The following EIF2AK4 variants were observed in gnomAD, a reference collection of about 807,000 sequenced individuals.
EIF2AK4 encodes eukaryotic translation initiation factor 2 alpha kinase 4, also known as eIF-2-alpha kinase GCN2.
EIF2AK4 carries 139 observed loss-of-function variants against 211.1 expected under a neutral mutation model. That is an observed-to-expected ratio of 0.66 (90% CI 0.57 to 0.76). EIF2AK4 has a LOEUF of 0.76. Among genes scored for constraint, EIF2AK4 ranks in the 30% least tolerant of loss-of-function variants. The pLI is 0.00. For synonymous variants in EIF2AK4, 710 were observed against 751.3 expected, an observed-to-expected ratio of 0.94 and a Z score of 0.90; for missense variants, 1,664 against 2,043.8, an observed-to-expected ratio of 0.81 and a Z score of 3.58.
At chr15:39,991,461 T>C (rs1444121999) in intron 16 of EIF2AK4, 1 of 152,256 alleles carries the variant, frequency 6.6e-6, no homozygotes, top group Non-Finnish European at 1.5e-5. Flanking sequence ...TAGCATGATA[T>C]TGGACAATTA....
At chr15:40,018,977 G>T in intron 29 of EIF2AK4, 116 bp from the exon 30 acceptor site, 1 of 747,432 alleles carries the variant, frequency 1.3e-6, no homozygotes, top group Non-Finnish European at 2.2e-6. Flanking sequence ...ATTTCTTTTT[G>T]TTGAACTCTT....
At position 39,976,495 on chromosome 15, in the gene EIF2AK4, A is replaced by G; in HGVS notation, c.1900A>G (p.Lys634Glu). The G allele has an allele frequency of 1.2e-6, 2 of 1,612,204 alleles. No homozygotes were observed. The highest frequency in any genetic ancestry group is 1.7e-6 in the Non-Finnish European group (2 of 1,179,658). Reference protein sequence around the residue: ...NPASRQFRRIKGEVTLLSRLH... With the variant: ...NPASRQFRRIEGEVTLLSRLH... Reference sequence around the variant, plus strand: ...GGCCAGCCGGCAGTTCCGCAGGATCAAGGGCGAAGTGACACTGCTGTCACG... The same window carrying G: ...GGCCAGCCGGCAGTTCCGCAGGATCGAGGGCGAAGTGACACTGCTGTCACG... Residue 634 changes from lysine (K) to glutamate (E), a missense_variant, in exon 12 of 39, where the codon AAG (lysine) becomes GAG (glutamate). By Grantham distance (56) the Lys-to-Glu change is moderately conservative. This residue lies in a region of EIF2AK4 where 37 missense variants were observed against 84.0 expected (regional missense o/e 0.44). Transcript: ENST00000263791.
chr15:39,971,597 G>T (rs2034625741), intron 9 of EIF2AK4, among the ~76,000 whole-genome samples: 1 of 151,910 alleles, frequency 6.6e-6, no homozygotes, highest in African/African-American at 2.4e-5. Flanking sequence ...CACGCCTGTA[G>T]TCCCAGTTAC....
In EIF2AK4 at chr15:39,942,653, G is replaced by A. The variant is rs370936643; in HGVS notation, c.258-730G>A. Among the ~76,000 whole-genome samples the A allele has an allele frequency of 3.1e-4, 47 of 152,308 alleles. 2 individuals are homozygous for A. In the East Asian group the frequency reaches 6.4e-3, roughly 21 times the overall value. On this transcript the variant is annotated intron_variant, in intron 2 of 38. Transcript: ENST00000263791. ...ATTGGTTGGGAATAAAATGAAACCC[G>A]AGGGCTGGTTGTGTAATGTCCTTGA...
intron 13 of EIF2AK4, among the ~76,000 whole-genome samples, chr15:39,984,233 C>G (rs2034833698): frequency 6.6e-6 from 1 of 152,182 alleles, no homozygotes; most frequent in Non-Finnish European, 1.5e-5. Flanking sequence ...GTACCAGTAC[C>G]AAGCTGTTTT....
At chr15:39,993,486 G>A (rs2034979043) in intron 18 of EIF2AK4, among the ~76,000 whole-genome samples, 1 of 152,248 alleles carries the variant, frequency 6.6e-6, no homozygotes, top group African/African-American at 2.4e-5. Flanking sequence ...GGATGAGAAA[G>A]GACAAGCCAC....
At chr15:40,009,883 A>G (rs2035213002) in intron 26 of EIF2AK4, among the ~76,000 whole-genome samples, 153 bp downstream of exon 26, 1 of 152,188 alleles carries the variant, frequency 6.6e-6, no homozygotes, top group Non-Finnish European at 1.5e-5. Flanking sequence ...GAAAGAACCA[A>G]TTGATTTTAA....
At position 40,017,535 on chromosome 15, in the gene EIF2AK4, A is replaced by G. The variant is rs371335126; in HGVS notation, c.4065+293A>G. Among the ~76,000 whole-genome samples the G allele has an allele frequency of 2.7e-4, 12 of 44,524 alleles. 1 individual carries two copies. The highest frequency in any genetic ancestry group is 3.0e-4 in the African/African-American group (4 of 13,542). 29.2% of individuals were successfully genotyped at this position (44,524 alleles called of 152,430 possible). On this transcript the variant is annotated intron_variant, in intron 29 of 38. Transcript: ENST00000263791. ...TATATATATATATATATATATATAT[A>G]TATATATATATATATATATGTATTT...
In EIF2AK4 at chr15:40,016,582, G is replaced by T; in HGVS notation, c.3840G>T (p.Gln1280His). 6.2e-7 allele frequency: 1 copy of T among 1,614,164 alleles called. No individual in the cohort carries two copies. The highest frequency in any genetic ancestry group is 8.5e-7 in the Non-Finnish European group (1 of 1,180,026). The change falls in exon 28 of 39, where the codon CAG becomes CAT. Residue 1280 changes from glutamine (Q) to histidine (H), a missense_variant. Gln to His is a conservative substitution (Grantham distance 24, BLOSUM62 0). This residue lies in a region of EIF2AK4 where 622 missense variants were observed against 796.8 expected (regional missense o/e 0.78). Coordinates refer to ENST00000263791, the MANE Select transcript of EIF2AK4 (RefSeq NM_001013703.4). ...LMPTINSLIK[Q>H]KTGIAQLVKY... ...CAACAATAAATTCATTAATAAAACA[G>T]AAAACAGGTATTGCACAGTTGGTGA...
chr15:40,026,218 G>T, intron 33 of EIF2AK4, 129 bp downstream of exon 33: 1 of 779,402 alleles, frequency 1.3e-6, no homozygotes, highest in Non-Finnish European at 2.0e-6. Context: ...ACTTTGGGAG[G>T]CCAAGTTTGG....
At position 39,985,837 on chromosome 15, in the gene EIF2AK4, T is replaced by C; in HGVS notation, c.2352T>C (p.His784=). ...DEDCNEKNGC[H]ESEPSVTTEA... is the part of the protein sequence containing the mutation. ...ATTGCAATGAAAAGAATGGCTGCCA[T>C]GAAAGTGAGCCATCAGTGACGACTG... is the stretch of plus-strand genomic sequence containing the variant. The change falls in exon 14 of 39, where the codon CAT becomes CAC. Residue 784 remains histidine, a synonymous_variant. Transcript: ENST00000263791. 1 of 1,614,162 alleles carries C rather than the reference T, an allele frequency of 6.2e-7. No individual in the cohort carries two copies. The highest frequency in any genetic ancestry group is 8.5e-7 in the Non-Finnish European group (1 of 1,180,028).
intron 29 of EIF2AK4, among the ~76,000 whole-genome samples, chr15:40,017,937 T>G (rs2035332645): frequency 6.6e-6 from 1 of 152,146 alleles, no homozygotes. Flanking sequence ...ACGTGTACTT[T>G]CCCTCAACAA....
At chr15:39,934,703 G>A (rs1232536665) in intron 1 of EIF2AK4, among the ~76,000 whole-genome samples, 3 of 152,040 alleles carry the variant, frequency 2.0e-5, no homozygotes, top group Non-Finnish European at 2.9e-5. Context: ...CAATTCATAC[G>A]CGCCCCTTGC....
At chr15:40,034,737 G>C (rs1194279586) in intron 38 of EIF2AK4, among the ~76,000 whole-genome samples, 15 of 152,150 alleles carry the variant, frequency 9.9e-5, no homozygotes, top group Non-Finnish European at 1.8e-4. Context: ...CTACTTTGCT[G>C]TATGTCCTTA....
chr15:39,939,742 T>C, intron 2 of EIF2AK4, 125 bp downstream of exon 2: 1 of 672,140 alleles, frequency 1.5e-6, no homozygotes, highest in Non-Finnish European at 2.3e-6. Flanking sequence ...TCATTTCCTC[T>C]ATTTCAACAA....
At position 39,934,271 on chromosome 15, in the gene EIF2AK4, G is replaced by A; in HGVS notation, c.76G>A (p.Glu26Lys). The change falls in exon 1 of 39, where the codon GAG (glutamate) becomes AAG (lysine). Residue 26 changes from glutamate (E) to lysine (K), a missense_variant. By Grantham distance (56) the Glu-to-Lys change is moderately conservative. Coordinates refer to ENST00000263791, the MANE Select transcript of EIF2AK4 (RefSeq NM_001013703.4). ...PESYPQRQDH[E>K]LQALEAIYGA... Reference sequence around the variant, plus strand: ...GAGCTACCCGCAACGACAGGACCACGAGCTACAGGCCCTGGAGGCCATTTA... The same window carrying A: ...GAGCTACCCGCAACGACAGGACCACAAGCTACAGGCCCTGGAGGCCATTTA... The A allele has an allele frequency of 3.1e-6, 5 of 1,611,644 alleles. No individual in the cohort carries two copies. Among genetic ancestry groups the A allele is most frequent in the Non-Finnish European group, 3.4e-6 (4 of 1,179,018 alleles).
chr15:39,982,618 A>C (rs992450400), intron 13 of EIF2AK4, among the ~76,000 whole-genome samples: 2 of 105,644 alleles, frequency 1.9e-5, no homozygotes, highest in East Asian at 6.4e-4. Context: ...TACATAGTAC[A>C]CATGTGCCAT....
intron 11 of EIF2AK4, 51 bp downstream of exon 11, chr15:39,973,800 A>C: frequency 6.3e-7 from 1 of 1,597,344 alleles, no homozygotes; most frequent in Non-Finnish European, 8.5e-7. Context: ...TCTCTGTTCC[A>C]TTTCCACAAA....
intron 4 of EIF2AK4, among the ~76,000 whole-genome samples, chr15:39,952,175 C>G (rs965989139): frequency 1.3e-5 from 2 of 152,238 alleles, no homozygotes; most frequent in Admixed American, 1.3e-4. Flanking sequence ...TTTAAAAAAT[C>G]TTACATATTT....
Sources: gnomAD v4.1 joint callset for allele counts (sites outside exome capture counted in the v4.1 genomes callset) on GRCh38, gnomAD v4.1.1 for gene constraint, gnomAD v4.1.1 regional missense constraint, MANE v1.5 for transcripts, NCBI Gene and HGNC (gene_info 2026-07-23, HGNC 2026-07-21) for gene names.